MUCL1: variants seen among roughly 807,000 people sequenced by gnomAD.
MUCL1 encodes mucin-like protein 1.
Under a neutral mutation model 9.2 loss-of-function variants are expected in MUCL1, and 11 were observed. That is an observed-to-expected ratio of 1.19 (90% CI 0.75 to 1.97). The LOEUF (loss-of-function observed/expected upper bound fraction) is 1.97, where lower values mean the gene tolerates loss of function less well. Ranked by LOEUF, MUCL1 falls within the 30% of genes most tolerant of loss-of-function variation. The pLI is 0.00. For synonymous variants in MUCL1, 48 were observed against 40.5 expected, an observed-to-expected ratio of 1.19 and a Z score of -0.71; for missense variants, 144 against 110.9, an observed-to-expected ratio of 1.30 and a Z score of -1.34.
In MUCL1 at chr12:54,858,202, A is replaced by G; in HGVS notation, c.233A>G (p.Lys78Arg). The G allele has an allele frequency of 6.2e-7, 1 of 1,613,320 alleles. No homozygotes were observed. Among genetic ancestry groups the G allele is most frequent in the Non-Finnish European group, 8.5e-7 (1 of 1,179,530 alleles). Residue 78 changes from lysine to arginine, a missense_variant, in exon 4 of 4, where the codon AAA becomes AGA. By Grantham distance (26) the Lys-to-Arg change is conservative. Transcript: ENST00000308796. ...TARKDIPVLP[K>R]WVGDLPNGRV... ...TTTTTTTCTCTTGCAGTTTTACCCA[A>G]ATGGGTTGGGGATCTCCCGAATGGT...
intron 1 of MUCL1, among the ~76,000 whole-genome samples, chr12:54,832,762 T>C (rs1959187065): frequency 6.6e-6 from 1 of 152,102 alleles, no homozygotes; most frequent in Non-Finnish European, 1.5e-5. Context: ...ATTTATATTA[T>C]TTGATATGTT....
In MUCL1 at chr12:54,841,441, C is replaced by T. The variant is rs538196342; in HGVS notation, c.43+1994C>T. 2.6e-5 allele frequency among the ~76,000 whole-genome samples: 4 copies of T among 152,178 alleles called. No homozygotes were observed. In the South Asian group the frequency reaches 6.2e-4, roughly 24 times the overall value. On this transcript the variant is annotated intron_variant, in intron 1 of 3. Coordinates refer to the MUCL1 transcript ENST00000546809. ...CATACAGTTTTCCATAATGGTTGTA[C>T]CAATTTTCACTCCTACAAACAGTAT...
At chr12:54,850,933 C>T (rs942211639), upstream of MUCL1, among the ~76,000 whole-genome samples, 120 of 152,148 alleles carry the variant, frequency 7.9e-4, 1 homozygote, top group Admixed American at 1.2e-3. Context: ...TTTTTTCATG[C>T]GTTTTTTGGC....
upstream of MUCL1, among the ~76,000 whole-genome samples, chr12:54,854,207 G>A (rs1233086460): frequency 6.6e-6 from 1 of 152,184 alleles, no homozygotes; most frequent in Non-Finnish European, 1.5e-5. Context: ...AGGAAGGCTG[G>A]TTATGGGGCA....
At chr12:54,834,873 G>A (rs1429427061), upstream of MUCL1, among the ~76,000 whole-genome samples, 3 of 152,044 alleles carry the variant, frequency 2.0e-5, no homozygotes, top group Admixed American at 6.6e-5. Context: ...TATCCAATAT[G>A]TAGGTTTTTA....
intron 1 of MUCL1, among the ~76,000 whole-genome samples, chr12:54,843,707 G>A (rs1211785176): frequency 1.3e-5 from 2 of 152,178 alleles, no homozygotes; most frequent in Admixed American, 6.5e-5. Context: ...CACAAGGCAA[G>A]TAATGTGAGC....
intron 1 of MUCL1, among the ~76,000 whole-genome samples, chr12:54,841,360 T>C (rs533083231): frequency 1.2e-4 from 18 of 152,302 alleles, no homozygotes; most frequent in Admixed American, 3.3e-4. Flanking sequence ...AGTATATACA[T>C]AGATGTATTG....
intron 1 of MUCL1, among the ~76,000 whole-genome samples, chr12:54,847,020 A>G (rs1959266204): frequency 6.6e-6 from 1 of 152,146 alleles, no homozygotes; most frequent in South Asian, 2.1e-4. Context: ...TCTGCCTTCC[A>G]AGATGTCATC....
rs763073933 is a variant in MUCL1 at position 54,856,916 on chromosome 12, T to C, written c.223+24T>C. On this transcript the variant is annotated intron_variant, in intron 3 of 3. Coordinates refer to ENST00000308796, the MANE Select transcript of MUCL1 (RefSeq NM_058173.3). ...AGGTAGCAAGACTCCTCCATCTGTG[T>C]GCTTCCTTTATGTGGCTCCTTGATT... is the stretch of plus-strand genomic sequence containing the variant. 80 of 1,613,308 alleles carry C rather than the reference T, an allele frequency of 5.0e-5. No homozygotes were observed. The East Asian group carries it at 1.8e-3, about 35-fold the overall frequency.
At chr12:54,841,999 C>T (rs1592246553) in intron 1 of MUCL1, among the ~76,000 whole-genome samples, 1 of 152,044 alleles carries the variant, frequency 6.6e-6, no homozygotes, top group East Asian at 1.9e-4. Flanking sequence ...TCAAGATTAT[C>T]TTGACTCTAT....
Position 54,856,815 on chromosome 12 carries a change from C to T in MUCL1, c.146C>T (p.Ala49Val), listed in dbSNP as rs1328553701. ...GCCCCTGATGCTGAAACCACTGCTG[C>T]TGCAACCACTGCAACCACTGCTGCT... ...DEAPDAETTA[A>V]ATTATTAAPT... Residue 49 changes from alanine to valine, a missense_variant, in exon 3 of 4, where the codon GCT becomes GTT. Coordinates refer to ENST00000308796, the MANE Select transcript of MUCL1 (RefSeq NM_058173.3). 1 of 1,612,284 alleles carries T rather than the reference C, an allele frequency of 6.2e-7. No homozygotes were observed. The highest frequency in any genetic ancestry group is 1.1e-5 in the South Asian group (1 of 91,016).
chr12:54,844,958 TGAAGG>T (rs1284855773), intron 1 of MUCL1, among the ~76,000 whole-genome samples: 1 of 152,130 alleles, frequency 6.6e-6, no homozygotes, highest in Non-Finnish European at 1.5e-5. Flanking sequence ...GGTAAGGCAC[TGAAGG>T]AATGTCTTAT....
intron 1 of MUCL1, among the ~76,000 whole-genome samples, chr12:54,848,223 T>A (rs1011527383): frequency 5.3e-5 from 8 of 152,104 alleles, no homozygotes; most frequent in African/African-American, 1.9e-4. Flanking sequence ...TGATGCTCCC[T>A]GAAGACCTCT....
chr12:54,837,612 AC>A (rs1959195200), upstream of MUCL1, among the ~76,000 whole-genome samples: 1 of 152,026 alleles, frequency 6.6e-6, no homozygotes, highest in Non-Finnish European at 1.5e-5. Flanking sequence ...AAAAAAAAAT[AC>A]AAAAAATTAG....
At chr12:54,834,537 C>A (rs1959189742), upstream of MUCL1, among the ~76,000 whole-genome samples, 1 of 151,872 alleles carries the variant, frequency 6.6e-6, no homozygotes, top group Non-Finnish European at 1.5e-5. Context: ...TTTTGATATA[C>A]ACAGTGAAGT....
At chr12:54,848,666 G>T (rs1328279514) in intron 1 of MUCL1, among the ~76,000 whole-genome samples, 2 of 152,134 alleles carry the variant, frequency 1.3e-5, no homozygotes, top group Non-Finnish European at 2.9e-5. Flanking sequence ...AATTCAAGTT[G>T]TCAGTAAGCC....
At chr12:54,856,393 G>T (rs1418374286) in intron 2 of MUCL1, among the ~76,000 whole-genome samples, 1 of 152,282 alleles carries the variant, frequency 6.6e-6, no homozygotes, top group East Asian at 1.9e-4. Flanking sequence ...TGCTGTCTTA[G>T]GTTATTCTGT....
rs1868316563 is a variant in MUCL1 at position 54,858,329 on chromosome 12, A to G, written c.*87A>G. 1 of 1,405,512 alleles carries G rather than the reference A, an allele frequency of 7.1e-7. No homozygotes were observed. The highest frequency in any genetic ancestry group is 1.7e-5 in the Admixed American group (1 of 58,894). 87.1% of individuals were successfully genotyped at this position (1,405,512 alleles called of 1,614,324 possible). A position where few individuals can be genotyped will look rare whatever the true frequency, so the allele number is the denominator to read the frequency against. On this transcript the variant is annotated 3_prime_UTR_variant, in exon 4 of 4. Coordinates refer to ENST00000308796, the MANE Select transcript of MUCL1 (RefSeq NM_058173.3). ...TCCAACTACTTACCTTGCCTACGATATCCCCTTTATCTCTAATCAGTTTAT... is the reference window on the plus strand; with the variant it reads ...TCCAACTACTTACCTTGCCTACGATGTCCCCTTTATCTCTAATCAGTTTAT...
In MUCL1 at chr12:54,858,350, T is replaced by C; in HGVS notation, c.*108T>C. 1 of 1,317,890 alleles carries C rather than the reference T, an allele frequency of 7.6e-7. No individual in the cohort carries two copies. Among genetic ancestry groups the C allele is most frequent in the East Asian group, 2.3e-5 (1 of 43,106 alleles). The allele number at this position is 1,317,890 out of a possible 1,614,324, so 81.6% of individuals were successfully genotyped here. On this transcript the variant is annotated 3_prime_UTR_variant, in exon 4 of 4. Transcript: ENST00000308796. ...CGATATCCCCTTTATCTCTAATCAG[T>C]TTATTTTCTTTCAAATAAAAAATAA...
Sources: gnomAD v4.1 joint callset for allele counts (sites outside exome capture counted in the v4.1 genomes callset) on GRCh38, gnomAD v4.1.1 for gene constraint, MANE v1.5 for transcripts, NCBI Gene and HGNC (gene_info 2026-07-23, HGNC 2026-07-21) for gene names.